The following LIPE variants were observed in gnomAD, a reference collection of about 807,000 sequenced individuals.
LIPE encodes lipase E, hormone sensitive type.
LIPE carries 66 observed loss-of-function variants against 88.5 expected under a neutral mutation model. That is an observed-to-expected ratio of 0.75 (90% CI 0.61 to 0.91). The LOEUF (loss-of-function observed/expected upper bound fraction) is 0.91, where lower values mean the gene tolerates loss of function less well. LIPE is among the 40% of genes least tolerant of loss of function. The pLI, the probability that LIPE is intolerant of heterozygous loss-of-function variation, is 0.00. For missense variants in LIPE, 1,346 were observed against 1,434.7 expected (o/e 0.94, Z 1.00); for synonymous variants, 570 against 617.5 (o/e 0.92, Z 1.14).
chr19:42,424,362 C>A (rs2040667169), intron 1 of LIPE: 1 of 456,816 alleles, frequency 2.2e-6, no homozygotes. Context: ...CCAACTGCTT[C>A]TGGACCGCCT....
chr19:42,415,828 G>C (rs548296511), intron 1 of LIPE, among the ~76,000 whole-genome samples: 2 of 151,000 alleles, frequency 1.3e-5, no homozygotes, highest in African/African-American at 4.9e-5. Flanking sequence ...AAAAAAAAGT[G>C]AACTAGGCTT....
chr19:42,412,852 G>T (rs555478345), intron 1 of LIPE, among the ~76,000 whole-genome samples: 2 of 152,352 alleles, frequency 1.3e-5, no homozygotes, highest in South Asian at 4.1e-4. Flanking sequence ...AGCCCCAGCT[G>T]TTGGGGGGAG....
At chr19:42,416,155 C>T (rs1287017444) in intron 1 of LIPE, among the ~76,000 whole-genome samples, 2 of 151,960 alleles carry the variant, frequency 1.3e-5, no homozygotes, top group African/African-American at 4.8e-5. Context: ...CCAGCCTGAC[C>T]AACATGGAGA....
In LIPE at chr19:42,410,773, T is replaced by G; in HGVS notation, c.953A>C (p.Asn318Thr). ...TQSLVTLAED[N>T]IAFFSSQGPG... is the part of the protein sequence containing the mutation. ...ACCCTGGCTCGAGAAGAAGGCTATG[T>G]TGTCCTCCGCCAGAGTCACCAGCGA... The change falls in exon 2 of 10, where the codon AAC (asparagine) becomes ACC (threonine). Residue 318 changes from asparagine (N) to threonine (T), a missense_variant. Transcript: ENST00000244289. This position sits in a 1 kb window ranked among gnomAD's most constrained non-coding sequence, Gnocchi z 6.1. The G allele has an allele frequency of 6.2e-7, 1 of 1,609,612 alleles. No individual in the cohort carries two copies. Among genetic ancestry groups the G allele is most frequent in the South Asian group, 1.1e-5 (1 of 90,546 alleles).
Position 42,407,929 on chromosome 19 carries a change from A to C in LIPE, c.1656+47T>G. On this transcript the variant is annotated intron_variant, in intron 4 of 9. Coordinates refer to ENST00000244289, the MANE Select transcript of LIPE (RefSeq NM_005357.4). This position sits in a 1 kb window ranked among gnomAD's most constrained non-coding sequence, Gnocchi z 5.8. ...CCCCACAGAGACCTACTGTGGCCTC[A>C]GATGAGTCTCTGGGCCTCAGTGTCC... 6.3e-7 allele frequency: 1 copy of C among 1,595,118 alleles called. No homozygotes were observed. Among genetic ancestry groups the C allele is most frequent in the Non-Finnish European group, 8.5e-7 (1 of 1,172,346 alleles).
At chr19:42,423,561 G>C (rs1194083684) in intron 1 of LIPE, 1 of 1,230,338 alleles carries the variant, frequency 8.1e-7, no homozygotes, top group African/African-American at 1.6e-5. Context: ...CCTCCCGCGG[G>C]GGCCAATTCC....
At chr19:42,412,064 C>T (rs759779975) in intron 1 of LIPE, among the ~76,000 whole-genome samples, 1 of 152,222 alleles carries the variant, frequency 6.6e-6, no homozygotes, top group South Asian at 2.1e-4. Context: ...CCCGCTAGGA[C>T]TCTGGAAGCC....
intron 1 of LIPE, chr19:42,423,395 T>C (rs1405324939): frequency 7.8e-7 from 1 of 1,288,668 alleles, no homozygotes; most frequent in African/African-American, 1.5e-5. Flanking sequence ...CCTTCCGGGC[T>C]GCTGCCGGTC....
In LIPE at chr19:42,402,640, G is replaced by A. The variant is rs764376369; in HGVS notation, c.2934C>T (p.Ser978=). 3 of 1,497,720 alleles carry A rather than the reference G, an allele frequency of 2.0e-6. No individual in the cohort carries two copies. Among genetic ancestry groups the A allele is most frequent in the Non-Finnish European group, 2.7e-6 (3 of 1,121,618 alleles). 92.8% of individuals were successfully genotyped at this position (1,497,720 alleles called of 1,614,324 possible). A position where few individuals can be genotyped will look rare whatever the true frequency, so the allele number is the denominator to read the frequency against. Residue 978 remains serine, a synonymous_variant, in exon 9 of 10, where the codon AGC becomes AGT. Coordinates refer to ENST00000244289, the MANE Select transcript of LIPE (RefSeq NM_005357.4). The part of the protein sequence containing the change: ...PFMSPLLAPD[S]MLKSLPPVHI... ...GCACAGGTGGCAGGCTCTTGAGCAT[G>A]CTGTCGGGTGCCAGCAGCGGCGACA... is the stretch of plus-strand genomic sequence containing the variant.
At chr19:42,405,222 C>T (rs1052320575) in intron 8 of LIPE, among the ~76,000 whole-genome samples, 163 bp downstream of exon 8, 26 of 152,182 alleles carry the variant, frequency 1.7e-4, no homozygotes, top group Non-Finnish European at 1.5e-5. Flanking sequence ...CCAGGCTGAT[C>T]TTGAACCCCT....
intron 1 of LIPE, among the ~76,000 whole-genome samples, chr19:42,416,492 G>C (rs559029405): frequency 6.6e-6 from 1 of 152,050 alleles, no homozygotes; most frequent in African/African-American, 2.4e-5. Context: ...ATTGGAAGAA[G>C]ATGCCATCCA....
In LIPE at chr19:42,426,823, C is replaced by T. The variant is rs758552921; in HGVS notation, c.327G>A (p.Gln109=). Residue 109 remains glutamine (Q), a synonymous_variant, in exon 1 of 10, where the codon CAG becomes CAA. Transcript: ENST00000244289. The stretch of plus-strand genomic sequence containing the variant: ...CAGGTCCCTGCTGGGAGGCAGCTTC[C>T]TGTTGAGTGAGCAGCACCCTTTGGA... ...PYIQRVLLTQ[Q]EAASQQGPGL... is the part of the protein sequence containing the mutation. 4.3e-6 allele frequency: 7 copies of T among 1,614,100 alleles called. No homozygotes were observed. In the South Asian group the frequency reaches 6.6e-5, roughly 15 times the overall value.
intron 1 of LIPE, chr19:42,424,571 C>T: frequency 2.2e-6 from 1 of 456,346 alleles, no homozygotes; most frequent in South Asian, 1.5e-5. Context: ...CAAAGCATAC[C>T]CAGCAGCCCC....
chr19:42,408,069 C>G lies in LIPE; in HGVS notation c.1563G>C (p.Glu521Asp). ...TCCGCTCAAACTCAGCCCCACGCAGCTCGGGGTCGATGGCAAAGCGGCCGC... is the reference window on the plus strand; with the variant it reads ...TCCGCTCAAACTCAGCCCCACGCAGGTCGGGGTCGATGGCAAAGCGGCCGC... ...FTSGRFAIDP[E>D]LRGAEFERIT... Residue 521 changes from glutamate (E) to aspartate (D), a missense_variant, in exon 4 of 10, where the codon GAG becomes GAC. Transcript: ENST00000244289. The surrounding 1 kb of genome is among the most constrained non-coding windows in gnomAD (Gnocchi z 4.3). 1.2e-6 allele frequency: 2 copies of G among 1,613,918 alleles called. No individual in the cohort carries two copies. The highest frequency in any genetic ancestry group is 1.7e-6 in the Non-Finnish European group (2 of 1,179,912).
rs1188169783 is a variant in LIPE, at chr19:42,426,290, T to G, written c.860A>C (p.Asn287Thr). Residue 287 changes from asparagine (N) to threonine (T), a missense_variant, in exon 1 of 10, where the codon AAT becomes ACT. Physicochemically the swap from Asn to Thr is moderately conservative, Grantham distance 65. Coordinates refer to ENST00000244289, the MANE Select transcript of LIPE (RefSeq NM_005357.4). ...ACCTGTATCCTGGTAGTGTCTGTGA[T>G]TCCGAGCACTGGTTTTCTCATGTGG... ...TSPHEKTSAR[N>T]HRHYQDTASR... 4 of 1,603,066 alleles carry G rather than the reference T, an allele frequency of 2.5e-6. No homozygotes were observed. The highest frequency in any genetic ancestry group is 2.7e-5 in the African/African-American group (2 of 74,696).
At position 42,401,517 on chromosome 19, in the gene LIPE, TTAAA is replaced by T. The variant is rs1264354994; in HGVS notation, c.*291_*294del. On this transcript the variant is annotated 3_prime_UTR_variant, in exon 10 of 10. Coordinates refer to ENST00000244289, the MANE Select transcript of LIPE (RefSeq NM_005357.4). The stretch of plus-strand genomic sequence containing the variant: ...CCGTATTTGAGAGAGGCCAAACTAA[TTAAA>T]TACTTTTATTTACAACAAACCAAAC... The T allele has an allele frequency of 1.8e-5, 7 of 388,298 alleles. No homozygotes were observed. Among genetic ancestry groups the T allele is most frequent in the East Asian group, 1.4e-4 (3 of 22,026 alleles). The allele number at this position is 388,298 out of a possible 1,614,324, so 24.1% of individuals were successfully genotyped here. A position where few individuals can be genotyped will look rare whatever the true frequency, so the allele number is the denominator to read the frequency against.
In LIPE at chr19:42,401,760, G is replaced by C. The variant is rs901685618; in HGVS notation, c.*52C>G. The C allele has an allele frequency of 7.6e-6, 7 of 925,672 alleles. No homozygotes were observed. The highest frequency in any genetic ancestry group is 2.3e-5 in the African/African-American group (1 of 43,866). 57.3% of individuals were successfully genotyped at this position (925,672 alleles called of 1,614,324 possible). On this transcript the variant is annotated 3_prime_UTR_variant, in exon 10 of 10. Coordinates refer to ENST00000244289, the MANE Select transcript of LIPE (RefSeq NM_005357.4). ...GCACAGCCCGCGTCCCCTTCCGCCC[G>C]GCCCGGAAGGCATTCATGACGGAGG... is the stretch of plus-strand genomic sequence containing the variant.
At chr19:42,405,713 T>C in intron 7 of LIPE, 152 bp from the exon 8 acceptor site, 1 of 716,332 alleles carries the variant, frequency 1.4e-6, no homozygotes, top group South Asian at 1.9e-5. Flanking sequence ...CTCACGCCTG[T>C]AGTCCCAGTA....
At position 42,414,538 on chromosome 19, in the gene LIPE, G is replaced by A. The variant is rs1015355718; in HGVS notation, c.884-3696C>T. Among the ~76,000 whole-genome samples, 1 of 152,184 alleles carries A rather than the reference G, an allele frequency of 6.6e-6. No homozygotes were observed. The highest frequency in any genetic ancestry group is 1.5e-5 in the Non-Finnish European group (1 of 68,034). ...GGTGTATTGGGTGATTTTTCTCTGC[G>A]GCACTTGTCACCATCTAGCATACTA... On this transcript the variant is annotated intron_variant, in intron 1 of 9. Coordinates refer to ENST00000244289, the MANE Select transcript of LIPE (RefSeq NM_005357.4). The surrounding 1 kb of genome is among the most constrained non-coding windows in gnomAD (Gnocchi z 4.6).
Sources: allele counts gnomAD v4.1 joint callset (sites outside exome capture counted in the v4.1 genomes callset), GRCh38; gene constraint gnomAD v4.1.1; non-coding constraint Gnocchi (gnomAD v3.1); transcripts MANE v1.5; gene names NCBI Gene and HGNC (gene_info 2026-07-23, HGNC 2026-07-21).